LETM2: variants seen among roughly 807,000 people sequenced by gnomAD.
The protein encoded by LETM2 is LETM1 domain-containing protein LETM2, mitochondrial.
LETM2 carries 58 observed loss-of-function variants against 59.6 expected under a neutral mutation model. The observed-to-expected ratio is 0.97, with a 90% CI of 0.79 to 1.21. The LOEUF (loss-of-function observed/expected upper bound fraction) is 1.21. Ranked by LOEUF, LETM2 falls within the 50% of genes most tolerant of loss-of-function variation. LETM2 has a pLI of 0.00. For synonymous variants in LETM2, 199 were observed against 214.1 expected, an observed-to-expected ratio of 0.93 and a Z score of 0.62; for missense variants, 572 against 575.7, an observed-to-expected ratio of 0.99 and a Z score of 0.07.
Position 38,402,542 on chromosome 8 carries a change from G to A in LETM2, c.1002G>A (p.Gly334=), listed in dbSNP as rs755660926. Residue 334 remains glycine, a synonymous_variant, in exon 7 of 11, where the codon GGG becomes GGA. Coordinates refer to ENST00000379957, the MANE Select transcript of LETM2 (RefSeq NM_001286819.2). ...KADDEIIAKE[G]VTALSVSELQ... ...TCTTTCAGATAATTGCCAAGGAAGG[G>A]GTGACAGCATTGAGTGTATCAGAAC... 1 of 1,613,836 alleles carries A rather than the reference G, an allele frequency of 6.2e-7. No homozygotes were observed. The highest frequency in any genetic ancestry group is 1.3e-5 in the African/African-American group (1 of 74,904).
intron 4 of LETM2, chr8:38,397,141 G>A (rs756524922): frequency 6.6e-6 from 3 of 455,974 alleles, no homozygotes; most frequent in Non-Finnish European, 1.3e-5. Context: ...TGGTAAGAAA[G>A]TGTGAACAAA....
At chr8:38,394,325 T>A in intron 4 of LETM2, 84 bp downstream of exon 4, 1 of 685,892 alleles carries the variant, frequency 1.5e-6, no homozygotes, top group Non-Finnish European at 2.2e-6. Context: ...CAGAAAGTAC[T>A]ACTTCTCCCC....
At chr8:38,391,540 G>A (rs1344491519) in intron 2 of LETM2, among the ~76,000 whole-genome samples, 5 of 151,406 alleles carry the variant, frequency 3.3e-5, no homozygotes, top group Admixed American at 6.6e-5. Context: ...TGATCCGCCC[G>A]CCTTGGCCTC....
Position 38,400,852 on chromosome 8 carries a change from G to T in LETM2, c.784-1G>T, listed in dbSNP as rs1199710880. The T allele has an allele frequency of 3.1e-6, 5 of 1,613,948 alleles. No individual in the cohort carries two copies. The highest frequency in any genetic ancestry group is 4.2e-6 in the Non-Finnish European group (5 of 1,179,918). Reference sequence around the variant, plus strand: ...ATTGGCCTTTTTGTCCCACTGCATAGGTCCAGACAGGCCACAAGCCCAGCA... The same window carrying T: ...ATTGGCCTTTTTGTCCCACTGCATATGTCCAGACAGGCCACAAGCCCAGCA... On this transcript the variant is annotated splice_acceptor_variant, in intron 5 of 10. Coordinates refer to ENST00000379957, the MANE Select transcript of LETM2 (RefSeq NM_001286819.2). LOFTEE classifies it high-confidence loss of function.
At chr8:38,394,845 CAAAAAA>C (rs34403974) in intron 4 of LETM2, among the ~76,000 whole-genome samples, 1 of 84,508 alleles carries the variant, frequency 1.2e-5, no homozygotes, top group African/African-American at 4.9e-5. Flanking sequence ...GACCCTGTCT[CAAAAAA>C]AAAAAAAAAA....
chr8:38,400,724 C>T, intron 5 of LETM2, 129 bp from the exon 6 acceptor site: 1 of 855,542 alleles, frequency 1.2e-6, no homozygotes, highest in South Asian at 1.7e-5. Context: ...TTCTTTATAC[C>T]ACGAAGCCGA....
chr8:38,404,975 CAAACA>C (rs144330574), intron 8 of LETM2: 27,951 of 153,574 alleles, frequency 0.18, 2,873 homozygotes, highest in East Asian at 0.3. Flanking sequence ...GACTCCGTCT[CAAACA>C]AAACAAAACA....
At chr8:38,384,874 C>G (rs1811706388), upstream of LETM2, among the ~76,000 whole-genome samples, 1 of 152,168 alleles carries the variant, frequency 6.6e-6, no homozygotes. Context: ...AAGAATATTT[C>G]CCCGTATAAA....
At chr8:38,383,581 C>G (rs1045006060), upstream of LETM2, 2 of 151,874 alleles carry the variant, frequency 1.3e-5, no homozygotes, top group African/African-American at 4.8e-5. Flanking sequence ...TTTAAAAGGG[C>G]ACTAATTATG....
intron 2 of LETM2, among the ~76,000 whole-genome samples, chr8:38,391,127 G>A (rs571487631): frequency 7.1e-6 from 1 of 141,186 alleles, no homozygotes; most frequent in East Asian, 2.1e-4. Context: ...GCAGTGAGCC[G>A]TGATCATGCC....
At position 38,409,428 on chromosome 8, in the gene LETM2, G is replaced by A. The variant is rs1814006228; in HGVS notation, c.*1154G>A. The A allele has an allele frequency of 6.6e-6, 1 of 152,172 alleles. No homozygotes were observed. The highest frequency in any genetic ancestry group is 2.1e-4 in the South Asian group (1 of 4,832). 9.4% of individuals were successfully genotyped at this position (152,172 alleles called of 1,614,324 possible). A position where few individuals can be genotyped will look rare whatever the true frequency, so the allele number is the denominator to read the frequency against. On this transcript the variant is annotated 3_prime_UTR_variant, in exon 11 of 11. Coordinates refer to ENST00000379957, the MANE Select transcript of LETM2 (RefSeq NM_001286819.2). Reference sequence around the variant, plus strand: ...AGCCCCACCATGTCCCACTAATGAAGCCCAGTTCTTTGGGAATGATGAATC... The same window carrying A: ...AGCCCCACCATGTCCCACTAATGAAACCCAGTTCTTTGGGAATGATGAATC...
chr8:38,394,199 C>A lies in LETM2; in HGVS notation c.603C>A (p.Phe201Leu). ...EFLLPVFLKL[F>L]PEMLPSTFES... is the part of the protein sequence containing the mutation. ...TATTACCAGTGTTTCTGAAACTCTT[C>A]CCAGAGATGTTGCCATCAACTTTTG... The change falls in exon 4 of 11, where the codon TTC becomes TTA. Residue 201 changes from phenylalanine to leucine, a missense_variant. Transcript: ENST00000379957. The A allele has an allele frequency of 6.6e-7, 1 of 1,509,974 alleles. No homozygotes were observed. The highest frequency in any genetic ancestry group is 8.8e-7 in the Non-Finnish European group (1 of 1,136,648). 93.5% of individuals were successfully genotyped at this position (1,509,974 alleles called of 1,614,324 possible). A position where few individuals can be genotyped will look rare whatever the true frequency, so the allele number is the denominator to read the frequency against.
Position 38,400,267 on chromosome 8 carries a change from T to C in LETM2, c.646-5T>C. ...TTGAGTAACTTTTATTCTTCTACCATTAAGGAAGAAAAACAGAAAAAGAAA... is the reference window on the plus strand; with the variant it reads ...TTGAGTAACTTTTATTCTTCTACCACTAAGGAAGAAAAACAGAAAAAGAAA... On this transcript the variant is annotated splice_region_variant and splice_polypyrimidine_tract_variant and intron_variant, in intron 4 of 10. Transcript: ENST00000379957. 6.2e-7 allele frequency: 1 copy of C among 1,603,556 alleles called. No homozygotes were observed. Among genetic ancestry groups the C allele is most frequent in the Non-Finnish European group, 8.5e-7 (1 of 1,175,282 alleles).
chr8:38,383,883 T>A (rs1368954128), upstream of LETM2, among the ~76,000 whole-genome samples: 1 of 149,216 alleles, frequency 6.7e-6, no homozygotes, highest in Non-Finnish European at 1.5e-5. Flanking sequence ...TGAGCCGAGA[T>A]CGCGCCACTG....
Position 38,401,007 on chromosome 8 carries a change from G to A in LETM2, c.938G>A (p.Arg313His), listed in dbSNP as rs1371184301. The change falls in exon 6 of 11, where the codon CGC becomes CAC. Residue 313 changes from arginine (R) to histidine (H), a missense_variant. Coordinates refer to ENST00000379957, the MANE Select transcript of LETM2 (RefSeq NM_001286819.2). ...ACATTTGGAACCAACAACCTGCTCC[G>A]CTTTCAGCTCCTGATGAAACTGAAG... ...LQTFGTNNLL[R>H]FQLLMKLKSI... 7.4e-6 allele frequency: 12 copies of A among 1,613,964 alleles called. No individual in the cohort carries two copies. The highest frequency in any genetic ancestry group is 1.7e-5 in the Admixed American group (1 of 59,994).
chr8:38,401,958 G>T (rs1442100325), intron 6 of LETM2, among the ~76,000 whole-genome samples: 1 of 152,162 alleles, frequency 6.6e-6, no homozygotes, highest in African/African-American at 2.4e-5. Flanking sequence ...GAGAAAGCAT[G>T]ATCCTTTTGG....
At position 38,400,723 on chromosome 8, in the gene LETM2, C is replaced by A. The variant is rs143582526; in HGVS notation, c.784-130C>A. On this transcript the variant is annotated intron_variant, in intron 5 of 10. Transcript: ENST00000379957. ...TTCAGATGGATATCTTTTCTTTATA[C>A]CACGAAGCCGATTTCCAGATGTCAG... 1.6e-3 allele frequency: 1,389 copies of A among 852,360 alleles called. 21 individuals are homozygous for A. Among genetic ancestry groups the A allele is most frequent in the Middle Eastern group, 9.0e-4 (3 of 3,346 alleles). 52.8% of individuals were successfully genotyped at this position (852,360 alleles called of 1,614,324 possible). A position where few individuals can be genotyped will look rare whatever the true frequency, so the allele number is the denominator to read the frequency against.
At position 38,408,471 on chromosome 8, in the gene LETM2, T is replaced by C; in HGVS notation, c.*197T>C. 1 of 541,998 alleles carries C rather than the reference T, an allele frequency of 1.8e-6. No homozygotes were observed. 33.6% of individuals were successfully genotyped at this position (541,998 alleles called of 1,614,324 possible). Reference sequence around the variant, plus strand: ...ACCAAGTTCAGACCACTTAGAAAAATATAATTGCAAAGTCCCATTTCCTCT... The same window carrying C: ...ACCAAGTTCAGACCACTTAGAAAAACATAATTGCAAAGTCCCATTTCCTCT... On this transcript the variant is annotated 3_prime_UTR_variant, in exon 11 of 11. Transcript: ENST00000379957.
intron 7 of LETM2, among the ~76,000 whole-genome samples, chr8:38,403,693 G>T (rs538970742): frequency 1.3e-5 from 2 of 152,332 alleles, no homozygotes; most frequent in South Asian, 4.1e-4. Flanking sequence ...ACCATGTTAG[G>T]TTACTTTTTC....
Sources: gnomAD v4.1 joint callset for allele counts (sites outside exome capture counted in the v4.1 genomes callset) on GRCh38, gnomAD v4.1.1 for gene constraint, MANE v1.5 for transcripts, NCBI Gene and HGNC (gene_info 2026-07-23, HGNC 2026-07-21) for gene names.